The following FRMD4A variants were observed in gnomAD, a reference collection of about 807,000 sequenced individuals.
FRMD4A encodes FERM domain-containing protein 4A.
Under a neutral mutation model 129.1 loss-of-function variants are expected in FRMD4A, and 29 were observed. The observed-to-expected ratio is 0.22, with a 90% CI of 0.17 to 0.31. The LOEUF (loss-of-function observed/expected upper bound fraction) is 0.31. Among genes scored for constraint, FRMD4A ranks in the 10% least tolerant of loss-of-function variants. The pLI is 1.00. For missense variants in FRMD4A, 1,272 were observed against 1,375.8 expected (o/e 0.92, Z 1.19); for synonymous variants, 634 against 571.6 (o/e 1.11, Z -1.56).
chr10:13,824,192 A>T (rs1199369012), intron 3 of FRMD4A, among the ~76,000 whole-genome samples: 1 of 151,994 alleles, frequency 6.6e-6, no homozygotes, highest in Non-Finnish European at 1.5e-5. Flanking sequence ...AAACAAAAAA[A>T]CCAGGCTGGG....
intron 2 of FRMD4A, among the ~76,000 whole-genome samples, chr10:14,238,315 CATGAGTCCAGGTA>C (rs1310090186): frequency 6.6e-6 from 1 of 152,320 alleles, no homozygotes; most frequent in East Asian, 1.9e-4. Flanking sequence ...TCCGGCACTA[CATGAGTCCAGGTA>C]ATGAGTCCAG....
At chr10:13,921,256 C>G (rs185238262) in intron 2 of FRMD4A, among the ~76,000 whole-genome samples, 1 of 149,378 alleles carries the variant, frequency 6.7e-6, no homozygotes, top group Non-Finnish European at 1.5e-5. Flanking sequence ...CTTTCTCTCT[C>G]TCTCTCTCTT....
chr10:14,312,200 G>A (rs1330109310), intron 2 of FRMD4A, among the ~76,000 whole-genome samples: 8 of 152,210 alleles, frequency 5.3e-5, no homozygotes, highest in African/African-American at 1.9e-4. Context: ...ATCTGCCTTT[G>A]AGAGGCAGCA....
intron 2 of FRMD4A, among the ~76,000 whole-genome samples, chr10:14,307,386 G>A (rs1235271279): frequency 1.3e-5 from 2 of 152,184 alleles, no homozygotes; most frequent in East Asian, 1.9e-4. Context: ...GAGGATGAGC[G>A]CATGACAGAT....
At chr10:14,121,157 C>T (rs1838489482) in intron 2 of FRMD4A, among the ~76,000 whole-genome samples, 1 of 152,124 alleles carries the variant, frequency 6.6e-6, no homozygotes, top group African/African-American at 2.4e-5. Context: ...CACCTGAGGT[C>T]AGGAGTTCAA....
Position 13,659,332 on chromosome 10 carries a change from T to C in FRMD4A, c.2057A>G (p.His686Arg). The C allele has an allele frequency of 6.2e-7, 1 of 1,614,046 alleles. No individual in the cohort carries two copies. Among genetic ancestry groups the C allele is most frequent in the Non-Finnish European group, 8.5e-7 (1 of 1,179,856 alleles). Reference sequence around the variant, plus strand: ...GGCCAGGCAGACTCACCTCGTGGAATGGACGTAGTGGGGACTCCGGACCCG... The same window carrying C: ...GGCCAGGCAGACTCACCTCGTGGAACGGACGTAGTGGGGACTCCGGACCCG... ...DLRVRSPHYV[H>R]STRSVDISPT... is the part of the protein sequence containing the mutation. The change falls in exon 21 of 25, where the codon CAT becomes CGT. Residue 686 changes from histidine to arginine, a missense_variant. Transcript: ENST00000357447.
intron 2 of FRMD4A, among the ~76,000 whole-genome samples, chr10:14,055,306 C>T (rs1834456495): frequency 6.6e-6 from 1 of 152,184 alleles, no homozygotes; most frequent in African/African-American, 2.4e-5. Context: ...TCTGGTCTTT[C>T]CAGACGCAGT....
At chr10:13,784,098 G>T (rs2130785735) in intron 5 of FRMD4A, among the ~76,000 whole-genome samples, 1 of 152,270 alleles carries the variant, frequency 6.6e-6, no homozygotes, top group South Asian at 2.1e-4. Flanking sequence ...GACTAGGAGG[G>T]TGCTGGGTAC....
chr10:14,269,677 A>G (rs1845094991), intron 2 of FRMD4A, among the ~76,000 whole-genome samples: 1 of 151,948 alleles, frequency 6.6e-6, no homozygotes, highest in Non-Finnish European at 1.5e-5. Context: ...TAATTAGGAT[A>G]CTCTCCACAT....
At chr10:14,290,827 T>C (rs372321706) in intron 2 of FRMD4A, among the ~76,000 whole-genome samples, 2 of 152,080 alleles carry the variant, frequency 1.3e-5, no homozygotes, top group Non-Finnish European at 2.9e-5. Context: ...TAATGGTACC[T>C]ACCTCACATA....
At chr10:13,724,261 G>A (rs1013265787) in intron 12 of FRMD4A, among the ~76,000 whole-genome samples, 2 of 152,120 alleles carry the variant, frequency 1.3e-5, no homozygotes, top group East Asian at 1.9e-4. Flanking sequence ...GGTGGCGGGC[G>A]CCTGTAGTCC....
intron 2 of FRMD4A, among the ~76,000 whole-genome samples, chr10:14,144,370 C>T (rs1262038134): frequency 2.0e-5 from 3 of 152,088 alleles, no homozygotes; most frequent in African/African-American, 7.2e-5. Flanking sequence ...TCTACGCATC[C>T]GAAGAATTCT....
intron 3 of FRMD4A, among the ~76,000 whole-genome samples, chr10:13,844,017 T>A (rs2094007647): frequency 6.6e-6 from 1 of 152,236 alleles, no homozygotes; most frequent in South Asian, 2.1e-4. Context: ...GTGAGAATAC[T>A]GTAGTTGTAC....
chr10:14,312,899 A>G (rs1218415), intron 2 of FRMD4A, among the ~76,000 whole-genome samples: 129,528 of 152,206 alleles, frequency 0.85, 55,307 homozygotes, highest in Non-Finnish European at 0.87. Flanking sequence ...GAATGAGTTA[A>G]CACTATTGGA....
At chr10:13,693,701 T>C (rs757936555) in intron 15 of FRMD4A, 197 bp downstream of exon 15, 111 of 700,410 alleles carry the variant, frequency 1.6e-4, no homozygotes, top group Middle Eastern at 4.8e-4. Flanking sequence ...TTTTTTTTTT[T>C]CCCTTCCACT....
At chr10:13,763,208 C>T in intron 6 of FRMD4A, among the ~76,000 whole-genome samples, 1 of 152,098 alleles carries the variant, frequency 6.6e-6, no homozygotes, top group Non-Finnish European at 1.5e-5. Flanking sequence ...AAGAGGCAGA[C>T]TAGGCCCCAG....
chr10:14,268,288 G>T (rs79424855), intron 2 of FRMD4A, among the ~76,000 whole-genome samples: 1,768 of 152,212 alleles, frequency 0.012, 33 homozygotes, highest in South Asian at 0.052. Flanking sequence ...TAAATGTTAC[G>T]TAGCAAAAGG....
chr10:13,824,059 TA>T (rs900937100), intron 3 of FRMD4A, among the ~76,000 whole-genome samples: 2 of 152,126 alleles, frequency 1.3e-5, no homozygotes, highest in African/African-American at 4.8e-5. Context: ...CAGAGGGGGT[TA>T]AAAAATAATA....
At chr10:14,326,648 A>C (rs1028106136) in intron 2 of FRMD4A, 1 of 394,814 alleles carries the variant, frequency 2.5e-6, no homozygotes, top group African/African-American at 2.1e-5. Context: ...AAATGGCATC[A>C]TAACACCCTT....
Sources: gnomAD v4.1 joint callset for allele counts (sites outside exome capture counted in the v4.1 genomes callset) on GRCh38, gnomAD v4.1.1 for gene constraint, MANE v1.5 for transcripts, NCBI Gene and HGNC (gene_info 2026-07-23, HGNC 2026-07-21) for gene names.